The following SNX8 variants were observed in gnomAD, a reference collection of about 807,000 sequenced individuals.
SNX8 encodes sorting nexin 8, also known as sorting nexin-8.
Under a neutral mutation model 51.6 loss-of-function variants are expected in SNX8, and 25 were observed. That is an observed-to-expected ratio of 0.48 (90% CI 0.35 to 0.68). The LOEUF is 0.68. Among genes scored for constraint, SNX8 ranks in the 30% least tolerant of loss-of-function variants. The pLI, the probability that SNX8 is intolerant of heterozygous loss-of-function variation, is 0.00. For missense variants in SNX8, 695 were observed against 624.0 expected, an observed-to-expected ratio of 1.11 and a Z score of -1.21; for synonymous variants, 324 against 277.0, an observed-to-expected ratio of 1.17 and a Z score of -1.68.
At chr7:2,347,619 T>C (rs1168414673) in intron 1 of SNX8, among the ~76,000 whole-genome samples, 2 of 150,586 alleles carry the variant, frequency 1.3e-5, no homozygotes, top group African/African-American at 4.9e-5. Flanking sequence ...GATTCTTTTT[T>C]TTTTTTTTTT....
At chr7:2,330,358 G>A (rs1265627736) in intron 1 of SNX8, among the ~76,000 whole-genome samples, 1 of 151,724 alleles carries the variant, frequency 6.6e-6, no homozygotes, top group East Asian at 1.9e-4. Context: ...GGCTGGTCTT[G>A]AACTCCCAAC....
At chr7:2,283,458 G>C (rs1007773209) in intron 1 of SNX8, among the ~76,000 whole-genome samples, 1 of 152,244 alleles carries the variant, frequency 6.6e-6, no homozygotes, top group Admixed American at 6.5e-5. Context: ...GAGGCCTTCA[G>C]GGCCGGTGCT....
At chr7:2,256,815 G>C in intron 10 of SNX8, 59 bp downstream of exon 10, 1 of 1,550,628 alleles carries the variant, frequency 6.4e-7, no homozygotes, top group Non-Finnish European at 8.8e-7. Flanking sequence ...CTTGAAGGAA[G>C]GGCGGAGGGA....
chr7:2,347,946 C>G (rs1014926836), intron 1 of SNX8, among the ~76,000 whole-genome samples: 1 of 152,066 alleles, frequency 6.6e-6, no homozygotes, highest in African/African-American at 2.4e-5. Flanking sequence ...CTGGCCCACA[C>G]TGGACCCTTT....
chr7:2,306,144 TG>T (rs1257643686), intron 1 of SNX8, among the ~76,000 whole-genome samples: 20 of 151,100 alleles, frequency 1.3e-4, no homozygotes, highest in African/African-American at 4.9e-4. Flanking sequence ...GTCATTTTTT[TG>T]TTTGTTTTTT....
chr7:2,312,919 G>A (rs994162814), intron 1 of SNX8, among the ~76,000 whole-genome samples: 2 of 151,896 alleles, frequency 1.3e-5, no homozygotes, highest in South Asian at 4.2e-4. Flanking sequence ...TTTTTTTGAG[G>A]CGGAGTCTCG....
At chr7:2,313,457 C>T (rs1207383628) in intron 1 of SNX8, among the ~76,000 whole-genome samples, 5 of 148,024 alleles carry the variant, frequency 3.4e-5, no homozygotes, top group Non-Finnish European at 4.4e-5. Flanking sequence ...ACCCGGGAGG[C>T]GGAGGTTGCA....
At chr7:2,281,663 G>C (rs1341958895) in intron 1 of SNX8, among the ~76,000 whole-genome samples, 2 of 152,128 alleles carry the variant, frequency 1.3e-5, no homozygotes, top group Non-Finnish European at 2.9e-5. Flanking sequence ...GTCCCACAGA[G>C]AGAAAACAGA....
At position 2,255,042 on chromosome 7, in the gene SNX8, C is replaced by T; in HGVS notation, c.*14G>A. The stretch of plus-strand genomic sequence containing the variant: ...TTAGTGCGGCCGCAGGGAGCACCAC[C>T]TCAGCCTCAGGCGCTAGTGAGGACA... On this transcript the variant is annotated 3_prime_UTR_variant, in exon 11 of 11. Coordinates refer to ENST00000222990, the MANE Select transcript of SNX8 (RefSeq NM_013321.4). 2 of 1,525,216 alleles carry T rather than the reference C, an allele frequency of 1.3e-6. No homozygotes were observed. The highest frequency in any genetic ancestry group is 2.4e-5 in the East Asian group (1 of 41,300). The allele number at this position is 1,525,216 out of a possible 1,614,324, so 94.5% of individuals were successfully genotyped here.
intron 1 of SNX8, chr7:2,309,668 T>A: frequency 2.6e-6 from 1 of 389,856 alleles, no homozygotes; most frequent in Admixed American, 3.1e-5. Flanking sequence ...GAGGAGGAGG[T>A]TGCGGTGAGC....
In SNX8 at chr7:2,252,288, G is replaced by C. The variant is rs1157052134; in HGVS notation, c.*2768C>G. On this transcript the variant is annotated 3_prime_UTR_variant, in exon 11 of 11. Coordinates refer to ENST00000222990, the MANE Select transcript of SNX8 (RefSeq NM_013321.4). ...TGGGCTTGGGCCGTGGGCAGCAGGAGGGCTGGAGAGGCATGGGGGGAACCC... is the reference window on the plus strand; with the variant it reads ...TGGGCTTGGGCCGTGGGCAGCAGGACGGCTGGAGAGGCATGGGGGGAACCC... The C allele has an allele frequency of 2.0e-5, 3 of 152,368 alleles. No homozygotes were observed. The highest frequency in any genetic ancestry group is 2.9e-5 in the Non-Finnish European group (2 of 68,150). 9.4% of individuals were successfully genotyped at this position (152,368 alleles called of 1,614,324 possible).
Position 2,264,383 on chromosome 7 carries a change from G to A in SNX8, c.697C>T (p.His233Tyr), listed in dbSNP as rs1795414017. The change falls in exon 6 of 11, where the codon CAC becomes TAC. Residue 233 changes from histidine to tyrosine, a missense_variant. Physicochemically the swap from His to Tyr is moderately conservative, Grantham distance 83. Coordinates refer to ENST00000222990, the MANE Select transcript of SNX8 (RefSeq NM_013321.4). The stretch of plus-strand genomic sequence containing the variant: ...CGCTCGGCCCTGTCGCGAAGCTTGT[G>A]AAAGCTATTGTAGATGTTCCGGATC... ...ELIRNIYNSF[H>Y]KLRDRAERIA... 1 of 1,612,926 alleles carries A rather than the reference G, an allele frequency of 6.2e-7. No homozygotes were observed. Among genetic ancestry groups the A allele is most frequent in the Non-Finnish European group, 8.5e-7 (1 of 1,179,986 alleles).
At chr7:2,351,011 CAGG>C (rs928080588) in intron 1 of SNX8, among the ~76,000 whole-genome samples, 3 of 152,126 alleles carry the variant, frequency 2.0e-5, no homozygotes, top group African/African-American at 4.8e-5. Flanking sequence ...CTCAACTACT[CAGG>C]AGGAGGCGGC....
intron 3 of SNX8, 107 bp from the exon 4 acceptor site, chr7:2,272,078 G>C: frequency 6.8e-7 from 1 of 1,466,588 alleles, no homozygotes; most frequent in Non-Finnish European, 9.3e-7. Flanking sequence ...AGGGCCCAGC[G>C]GCTAGCAGAG....
At chr7:2,309,433 C>T (rs1245282207) in intron 1 of SNX8, among the ~76,000 whole-genome samples, 1 of 151,372 alleles carries the variant, frequency 6.6e-6, no homozygotes, top group Non-Finnish European at 1.5e-5. Context: ...GGCTGAGGCA[C>T]AAGAATCACC....
chr7:2,252,449 C>G lies in SNX8; in HGVS notation c.*2607G>C, dbSNP rs1305781784. On this transcript the variant is annotated 3_prime_UTR_variant, in exon 11 of 11. Transcript: ENST00000222990. ...AGAAGGAAGGTGGCCTCCGCCACCCCTGCCTAGCAGGCCTCTTTCTGCTGC... is the reference window on the plus strand; with the variant it reads ...AGAAGGAAGGTGGCCTCCGCCACCCGTGCCTAGCAGGCCTCTTTCTGCTGC... The G allele has an allele frequency of 6.6e-6, 1 of 152,402 alleles. No individual in the cohort carries two copies. Among genetic ancestry groups the G allele is most frequent in the Non-Finnish European group, 1.5e-5 (1 of 68,180 alleles). The allele number at this position is 152,402 out of a possible 1,614,324, so 9.4% of individuals were successfully genotyped here. A position where few individuals can be genotyped will look rare whatever the true frequency, so the allele number is the denominator to read the frequency against.
intron 1 of SNX8, among the ~76,000 whole-genome samples, chr7:2,325,535 G>C (rs895689135): frequency 2.6e-5 from 4 of 152,088 alleles, no homozygotes; most frequent in Non-Finnish European, 5.9e-5. Context: ...AGAATGTAAT[G>C]AGGAATATCA....
intron 1 of SNX8, among the ~76,000 whole-genome samples, chr7:2,302,527 G>A (rs1223578589): frequency 3.9e-5 from 6 of 152,294 alleles, no homozygotes; most frequent in Non-Finnish European, 2.9e-5. Flanking sequence ...CCACCACCCC[G>A]TCTGGGAAGT....
rs535032249 is a variant in SNX8 at position 2,328,503 on chromosome 7, T to TC, written c.-66+25718dup. 2.2e-4 allele frequency among the ~76,000 whole-genome samples: 34 copies of TC among 152,240 alleles called. No homozygotes were observed. The East Asian group carries it at 6.4e-3, about 29-fold the overall frequency. ...CATCATGCCCAACCATTGAATGCTTTCAATATTTGAATCGAAATACTGAAT... is the reference window on the plus strand; with the variant it reads ...CATCATGCCCAACCATTGAATGCTTTCCAATATTTGAATCGAAATACTGAAT... On this transcript the variant is annotated intron_variant, in intron 1 of 5. Coordinates refer to the SNX8 transcript ENST00000435336.
Sources: gnomAD v4.1 joint callset for allele counts (sites outside exome capture counted in the v4.1 genomes callset) on GRCh38, gnomAD v4.1.1 for gene constraint, MANE v1.5 for transcripts, NCBI Gene and HGNC (gene_info 2026-07-23, HGNC 2026-07-21) for gene names.